MAML3: variants seen among roughly 807,000 people sequenced by gnomAD.
MAML3 encodes the protein mastermind like transcriptional coactivator 3, also known as mastermind-like protein 3.
A neutral mutation model predicts 101.9 loss-of-function variants in MAML3; 27 were observed. The observed-to-expected ratio is 0.27, with a 90% CI of 0.20 to 0.37. MAML3 has a LOEUF of 0.37. MAML3 is among the 10% of genes least tolerant of loss of function. The pLI is 1.00. For missense variants in MAML3, 1,316 were observed against 1,444.9 expected (o/e 0.91, Z 1.45); for synonymous variants, 501 against 555.9 (o/e 0.90, Z 1.39).
At chr4:140,095,894 A>G (rs2110989244) in intron 1 of MAML3, among the ~76,000 whole-genome samples, 1 of 152,302 alleles carries the variant, frequency 6.6e-6, no homozygotes, top group South Asian at 2.1e-4. Context: ...AGACTGGGCT[A>G]AGTGCTTCAT....
intron 1 of MAML3, among the ~76,000 whole-genome samples, chr4:140,029,953 CTCTG>C (rs1276055970): frequency 6.6e-6 from 1 of 152,138 alleles, no homozygotes; most frequent in Non-Finnish European, 1.5e-5. Flanking sequence ...TTTTTCCCTC[CTCTG>C]TCTGAGTGAC....
At chr4:139,841,367 C>T (rs372773192) in intron 2 of MAML3, among the ~76,000 whole-genome samples, 7 of 152,352 alleles carry the variant, frequency 4.6e-5, no homozygotes, top group African/African-American at 1.7e-4. Flanking sequence ...AGCTCTTTCT[C>T]TCTCATCTTC....
intron 2 of MAML3, among the ~76,000 whole-genome samples, chr4:139,754,268 T>C (rs557754454): frequency 2.0e-5 from 3 of 152,356 alleles, no homozygotes; most frequent in South Asian, 4.1e-4. Flanking sequence ...TATGTTCTTA[T>C]AGTTCTTTAA....
intron 1 of MAML3, among the ~76,000 whole-genome samples, chr4:139,968,787 C>A (rs990080930): frequency 6.6e-6 from 1 of 152,044 alleles, no homozygotes; most frequent in Non-Finnish European, 1.5e-5. Flanking sequence ...GCATACATGA[C>A]CATTTAAATG....
intron 2 of MAML3, among the ~76,000 whole-genome samples, chr4:139,770,357 T>C (rs1380676611): frequency 1.3e-5 from 2 of 152,216 alleles, no homozygotes; most frequent in African/African-American, 4.8e-5. Flanking sequence ...GGATGGAAGC[T>C]TTAAGAGTTC....
intron 1 of MAML3, among the ~76,000 whole-genome samples, chr4:140,129,096 T>C (rs2111036558): frequency 6.6e-6 from 1 of 152,260 alleles, no homozygotes; most frequent in East Asian, 1.9e-4. Flanking sequence ...GGGGACTCAG[T>C]AGCCTCATCT....
At chr4:139,780,623 CTT>C (rs35929438) in intron 2 of MAML3, among the ~76,000 whole-genome samples, 6,190 of 136,890 alleles carry the variant, frequency 0.045, 325 homozygotes, top group African/African-American at 0.13. Flanking sequence ...TCTTTCTTTT[CTT>C]TTTTTTTTTT....
At chr4:140,018,684 A>G (rs995262834) in intron 1 of MAML3, among the ~76,000 whole-genome samples, 2 of 152,220 alleles carry the variant, frequency 1.3e-5, no homozygotes, top group African/African-American at 4.8e-5. Context: ...AGAGGCAAGA[A>G]GATAAAATAG....
intron 1 of MAML3, among the ~76,000 whole-genome samples, chr4:140,101,993 A>C (rs548384397): frequency 1.1e-3 from 161 of 152,320 alleles, no homozygotes; most frequent in Non-Finnish European, 1.7e-3. Flanking sequence ...CATCTGTGCC[A>C]TAAGTTTGTG....
chr4:140,152,148 C>G (rs552744213), intron 1 of MAML3, among the ~76,000 whole-genome samples: 2 of 152,262 alleles, frequency 1.3e-5, no homozygotes, highest in African/African-American at 2.4e-5. Context: ...GGGCTAGCCC[C>G]GAGTCGCGAG....
intron 2 of MAML3, among the ~76,000 whole-genome samples, chr4:139,838,584 GT>G (rs1731302530): frequency 6.6e-6 from 1 of 152,156 alleles, no homozygotes; most frequent in Non-Finnish European, 1.5e-5. Context: ...TTCTGAAAGT[GT>G]TGCTGTTCAG....
chr4:140,147,725 GAA>G (rs1243908551), intron 1 of MAML3, among the ~76,000 whole-genome samples: 1 of 152,186 alleles, frequency 6.6e-6, no homozygotes, highest in Non-Finnish European at 1.5e-5. Flanking sequence ...GGGTAATGTG[GAA>G]AAAGACAACA....
At position 139,991,379 on chromosome 4, in the gene MAML3, T is replaced by A. The variant is rs1255855155; in HGVS notation, c.469-100412A>T. Among the ~76,000 whole-genome samples the A allele has an allele frequency of 2.0e-5, 3 of 152,326 alleles. No homozygotes were observed. The East Asian group carries it at 5.8e-4, about 29-fold the overall frequency. ...GAAAGCTGAAACTGGATCCCTTCCT[T>A]ACACCTTATACAAAAATTAATTCAA... On this transcript the variant is annotated intron_variant, in intron 1 of 4. Coordinates refer to ENST00000509479, the MANE Select transcript of MAML3 (RefSeq NM_018717.5).
At chr4:140,108,938 T>C (rs994090239) in intron 1 of MAML3, among the ~76,000 whole-genome samples, 2 of 152,280 alleles carry the variant, frequency 1.3e-5, no homozygotes, top group Admixed American at 1.3e-4. Flanking sequence ...CTTTTTAAAC[T>C]TCCTGGTCCC....
intron 2 of MAML3, among the ~76,000 whole-genome samples, chr4:139,821,311 A>G (rs1056539935): frequency 1.3e-5 from 2 of 152,112 alleles, no homozygotes; most frequent in Admixed American, 1.3e-4. Flanking sequence ...GAGAGTGAGC[A>G]TTACCCCCTA....
At chr4:139,786,310 G>A (rs184458410) in intron 2 of MAML3, among the ~76,000 whole-genome samples, 62 of 152,054 alleles carry the variant, frequency 4.1e-4, no homozygotes, top group African/African-American at 1.3e-3. Flanking sequence ...AAGACAAGGC[G>A]TATGAGTGCT....
chr4:139,904,802 T>C (rs1410073760), intron 1 of MAML3, among the ~76,000 whole-genome samples: 1 of 152,254 alleles, frequency 6.6e-6, no homozygotes, highest in Non-Finnish European at 1.5e-5. Context: ...ACCTGGGGTC[T>C]ATTGCTGCTA....
intron 2 of MAML3, among the ~76,000 whole-genome samples, chr4:139,869,174 T>C (rs911219015): frequency 4.6e-5 from 7 of 152,196 alleles, no homozygotes; most frequent in Non-Finnish European, 7.3e-5. Flanking sequence ...TTTGCTTCCA[T>C]AGCAATTTAG....
At chr4:139,931,572 CTAGT>C (rs778416079) in intron 1 of MAML3, among the ~76,000 whole-genome samples, 7 of 152,186 alleles carry the variant, frequency 4.6e-5, no homozygotes, top group Non-Finnish European at 1.0e-4. Flanking sequence ...GTTCCTGACA[CTAGT>C]TTAGGATGGA....
Sources: gnomAD v4.1 joint callset for allele counts (sites outside exome capture counted in the v4.1 genomes callset) on GRCh38, gnomAD v4.1.1 for gene constraint, MANE v1.5 for transcripts, NCBI Gene and HGNC (gene_info 2026-07-23, HGNC 2026-07-21) for gene names.